Variants in BRINP1 observed in about 807,000 individuals in gnomAD.
The protein encoded by BRINP1 is BMP/retinoic acid inducible neural specific 1.
Under a neutral mutation model 72.9 loss-of-function variants are expected in BRINP1, and 17 were observed. The ratio of observed to expected loss-of-function variants is 0.23; its 90% CI spans 0.16 to 0.35. The LOEUF (loss-of-function observed/expected upper bound fraction) is 0.35, where lower values mean the gene tolerates loss of function less well. Among genes scored for constraint, BRINP1 ranks in the 10% least tolerant of loss-of-function variants. The pLI is 1.00. For missense variants in BRINP1, 850 were observed against 1,001.6 expected (o/e 0.85, Z 2.04); for synonymous variants, 418 against 378.5 (o/e 1.10, Z -1.21).
intron 5 of BRINP1, among the ~76,000 whole-genome samples, chr9:119,227,108 T>A (rs1214071164): frequency 2.6e-5 from 4 of 152,094 alleles, no homozygotes; most frequent in Non-Finnish European, 5.9e-5. Context: ...ATTGTTAGTA[T>A]TCTTATTTTA....
intron 7 of BRINP1, among the ~76,000 whole-genome samples, chr9:119,183,469 G>A (rs986724466): frequency 1.3e-5 from 2 of 152,174 alleles, no homozygotes; most frequent in Admixed American, 1.3e-4. Flanking sequence ...CCCTTGGGGA[G>A]AAGGTTGATA....
intron 2 of BRINP1, among the ~76,000 whole-genome samples, chr9:119,280,731 GA>G (rs1231487710): frequency 1.3e-5 from 2 of 152,104 alleles, no homozygotes; most frequent in Admixed American, 6.5e-5. Context: ...GTATACAAAG[GA>G]AAAGACATGT....
At chr9:119,286,057 A>T (rs1564238714) in intron 2 of BRINP1, among the ~76,000 whole-genome samples, 1 of 152,166 alleles carries the variant, frequency 6.6e-6, no homozygotes, top group Non-Finnish European at 1.5e-5. Context: ...ATCATCATTA[A>T]TATGAATATC....
At chr9:119,286,091 C>CTAT (rs149021426) in intron 2 of BRINP1, among the ~76,000 whole-genome samples, 3 of 151,988 alleles carry the variant, frequency 2.0e-5, no homozygotes, top group African/African-American at 4.8e-5. Context: ...GCTGGAGATA[C>CTAT]TATTATTATT....
At position 119,213,939 on chromosome 9, in the gene BRINP1, T is replaced by A; in HGVS notation, c.902A>T (p.Tyr301Phe). Residue 301 changes from tyrosine to phenylalanine, a missense_variant, in exon 6 of 8, where the codon TAT (tyrosine) becomes TTT (phenylalanine). By Grantham distance (22) the Tyr-to-Phe change is conservative (BLOSUM62 3). Transcript: ENST00000265922. ...ANMAKSWAEA[Y>F]KDLENSDEFK... ...TCTACCTGAATTCTCCAGGTCCTTA[T>A]AAGCTTCGGCCCAAGACTTGGCCAT... 6.2e-7 allele frequency: 1 copy of A among 1,614,160 alleles called. No homozygotes were observed. The highest frequency in any genetic ancestry group is 8.5e-7 in the Non-Finnish European group (1 of 1,180,002).
chr9:119,265,733 A>T (rs606474), intron 2 of BRINP1, among the ~76,000 whole-genome samples: 136,916 of 152,186 alleles, frequency 0.9, 61,906 homozygotes, highest in East Asian at 0.99. Context: ...ACCTTTTTTT[A>T]AAACATTTAT....
intron 7 of BRINP1, among the ~76,000 whole-genome samples, chr9:119,172,701 T>A (rs1325861986): frequency 6.6e-6 from 1 of 151,740 alleles, no homozygotes; most frequent in Admixed American, 6.6e-5. Flanking sequence ...TAGACCAATA[T>A]CCTTGATGAA....
intron 7 of BRINP1, among the ~76,000 whole-genome samples, chr9:119,169,781 T>G (rs1829378493): frequency 6.6e-6 from 1 of 152,232 alleles, no homozygotes; most frequent in South Asian, 2.1e-4. Flanking sequence ...CAGCTGGAGA[T>G]CTGAGAACGG....
intron 5 of BRINP1, among the ~76,000 whole-genome samples, chr9:119,218,559 G>A (rs1830005032): frequency 2.6e-5 from 4 of 151,992 alleles, no homozygotes; most frequent in African/African-American, 2.4e-5. Context: ...GGCTTCTGAG[G>A]TGTTAGAATT....
chr9:119,179,699 A>G (rs1829531671), intron 7 of BRINP1, among the ~76,000 whole-genome samples: 1 of 151,954 alleles, frequency 6.6e-6, no homozygotes, highest in Non-Finnish European at 1.5e-5. Flanking sequence ...AGAGACTGCG[A>G]CTCACCTTGG....
chr9:119,200,045 G>T (rs1388118387), intron 7 of BRINP1, among the ~76,000 whole-genome samples: 1 of 152,136 alleles, frequency 6.6e-6, no homozygotes, highest in African/African-American at 2.4e-5. Flanking sequence ...TGTGAATGAG[G>T]AAGATAATCT....
At chr9:119,310,803 G>T (rs1159080856) in intron 2 of BRINP1, among the ~76,000 whole-genome samples, 2 of 152,120 alleles carry the variant, frequency 1.3e-5, no homozygotes, top group African/African-American at 4.8e-5. Context: ...ACTGCCTATG[G>T]ACATGCTTTG....
At chr9:119,325,753 C>G (rs1294582962) in intron 1 of BRINP1, among the ~76,000 whole-genome samples, 1 of 152,210 alleles carries the variant, frequency 6.6e-6, no homozygotes, top group Non-Finnish European at 1.5e-5. Flanking sequence ...CCTAATCTAG[C>G]AGATCCAGCC....
Position 119,263,630 on chromosome 9 carries a change from CAG to C in BRINP1, c.219-14482_219-14481del, listed in dbSNP as rs1417634139. On this transcript the variant is annotated intron_variant, in intron 2 of 7. Coordinates refer to ENST00000265922, the MANE Select transcript of BRINP1 (RefSeq NM_014618.3). ...TTTTTTTTTTTTTTTTTTTTTGAGA[CAG>C]AGTCTCGCTTTGTCGCCCAGGCTGG... Among the ~76,000 whole-genome samples, 4 of 24,510 alleles carry C rather than the reference CAG, an allele frequency of 1.6e-4. No individual in the cohort carries two copies. The South Asian group carries it at 4.3e-3, about 26-fold the overall frequency. The allele number at this position is 24,510 out of a possible 152,430, so 16.1% of individuals were successfully genotyped here. A position where few individuals can be genotyped will look rare whatever the true frequency, so the allele number is the denominator to read the frequency against.
chr9:119,222,263 G>T (rs1830048029), intron 5 of BRINP1, among the ~76,000 whole-genome samples: 1 of 152,086 alleles, frequency 6.6e-6, no homozygotes, highest in Non-Finnish European at 1.5e-5. Flanking sequence ...TTCAGGAATT[G>T]TTTGTTAGCA....
At chr9:119,261,861 C>T (rs7036405) in intron 2 of BRINP1, among the ~76,000 whole-genome samples, 7,027 of 150,640 alleles carry the variant, frequency 0.047, 560 homozygotes, top group African/African-American at 0.16. Context: ...CTCTTTTCCT[C>T]GCCTCTCTTT....
chr9:119,189,295 A>G (rs1393144812), intron 7 of BRINP1, among the ~76,000 whole-genome samples: 1 of 152,160 alleles, frequency 6.6e-6, no homozygotes, highest in Non-Finnish European at 1.5e-5. Flanking sequence ...CCAGGAAACA[A>G]TTACCCAATA....
intron 1 of BRINP1, among the ~76,000 whole-genome samples, chr9:119,330,001 CA>C (rs1831282858): frequency 2.6e-5 from 4 of 152,166 alleles, no homozygotes; most frequent in Admixed American, 2.6e-4. Context: ...GCTGGGCTTT[CA>C]GTCTTATACT....
intron 7 of BRINP1, among the ~76,000 whole-genome samples, chr9:119,197,740 C>A (rs150749211): frequency 7.4e-4 from 113 of 152,248 alleles, no homozygotes; most frequent in African/African-American, 2.6e-3. Flanking sequence ...AACAAGCATA[C>A]GAGCTGAAAG....
Sources: gnomAD v4.1 joint callset for allele counts (sites outside exome capture counted in the v4.1 genomes callset) on GRCh38, gnomAD v4.1.1 for gene constraint, MANE v1.5 for transcripts, NCBI Gene and HGNC (gene_info 2026-07-23, HGNC 2026-07-21) for gene names.